The following MYT1L variants were observed in gnomAD, a reference collection of about 807,000 sequenced individuals.
MYT1L encodes myelin transcription factor 1-like protein.
In MYT1L, 12 loss-of-function variants were observed where a neutral mutation model predicts 126.7. The ratio of observed to expected loss-of-function variants is 0.09; its 90% CI spans 0.06 to 0.15. The LOEUF is 0.15. Ranked by LOEUF, MYT1L falls within the 10% of genes least tolerant of loss-of-function variation. MYT1L has a pLI of 1.00. For synonymous variants in MYT1L, 541 were observed against 604.2 expected (o/e 0.90, Z 1.53); for missense variants, 979 against 1,585.2 (o/e 0.62, Z 6.49).
intron 3 of MYT1L, among the ~76,000 whole-genome samples, chr2:2,155,342 G>A (rs990324041): frequency 1.3e-5 from 2 of 152,158 alleles, no homozygotes; most frequent in African/African-American, 4.8e-5. Flanking sequence ...CTGCCTTTCT[G>A]AACATTAAGA....
intron 14 of MYT1L, among the ~76,000 whole-genome samples, chr2:1,897,110 T>C (rs1483329852): frequency 6.6e-6 from 1 of 152,242 alleles, no homozygotes; most frequent in African/African-American, 2.4e-5. Flanking sequence ...TACTTTCACA[T>C]GCATCCTTTA....
At chr2:2,177,037 G>A (rs1415073182) in intron 2 of MYT1L, among the ~76,000 whole-genome samples, 1 of 152,214 alleles carries the variant, frequency 6.6e-6, no homozygotes, top group African/African-American at 2.4e-5. Flanking sequence ...GTTTCCCACT[G>A]TGGCTCAGAG....
intron 18 of MYT1L, among the ~76,000 whole-genome samples, chr2:1,877,464 T>C (rs1004553718): frequency 3.3e-5 from 5 of 152,188 alleles, no homozygotes; most frequent in African/African-American, 7.2e-5. Context: ...CAAAAAGTCA[T>C]TGAAAAACTT....
intron 2 of MYT1L, among the ~76,000 whole-genome samples, chr2:2,189,768 A>ATTCTCAGGACCGCACGGGGAGAAGCTCG (rs2092456087): frequency 6.6e-6 from 1 of 150,620 alleles, no homozygotes; most frequent in Non-Finnish European, 1.5e-5. Context: ...TGAGAAGCGC[A>ATTCTCAGGACCGCACGGGGAGAAGCTCG]TTCTCAGGAC....
intron 18 of MYT1L, among the ~76,000 whole-genome samples, chr2:1,870,859 T>C (rs1021066262): frequency 1.3e-5 from 2 of 152,248 alleles, no homozygotes; most frequent in Non-Finnish European, 2.9e-5. Context: ...TGCTAAAGTG[T>C]CCTACGTGTG....
In MYT1L at chr2:1,912,225, A is replaced by G. The variant is rs1395939661; in HGVS notation, c.1619-115T>C. On this transcript the variant is annotated intron_variant, in intron 11 of 24. Coordinates refer to ENST00000647738, the MANE Select transcript of MYT1L (RefSeq NM_001303052.2). This position sits in a 1 kb window ranked among gnomAD's most constrained non-coding sequence, Gnocchi z 4.3. ...GTCGCTCATGATAGACAGTCCTACA[A>G]ACGTTTGTGATGGGCATGGCCAGGA... 1.6e-6 allele frequency: 1 copy of G among 624,552 alleles called. No homozygotes were observed. The highest frequency in any genetic ancestry group is 2.6e-6 in the Non-Finnish European group (1 of 379,684). 38.7% of individuals were successfully genotyped at this position (624,552 alleles called of 1,614,324 possible).
chr2:2,303,412 C>A (rs1181953878), intron 1 of MYT1L: 2 of 152,356 alleles, frequency 1.3e-5, no homozygotes, highest in Non-Finnish European at 2.9e-5. Flanking sequence ...CAGGAGTCAG[C>A]CAGTTCCTAC....
At chr2:2,123,568 C>T (rs1017400266) in intron 3 of MYT1L, among the ~76,000 whole-genome samples, 5 of 152,198 alleles carry the variant, frequency 3.3e-5, no homozygotes, top group African/African-American at 1.2e-4. Context: ...TCTCCCTTTT[C>T]TCTCTTCCTC....
At chr2:2,018,220 A>G (rs560387036) in intron 4 of MYT1L, among the ~76,000 whole-genome samples, 1 of 152,324 alleles carries the variant, frequency 6.6e-6, no homozygotes, top group South Asian at 2.1e-4. Flanking sequence ...GGCAGACAGA[A>G]TAAGACCTTC....
Position 1,910,184 on chromosome 2 carries a change from G to A in MYT1L, c.1817+56C>T, listed in dbSNP as rs1029874523. The A allele has an allele frequency of 8.6e-6, 13 of 1,511,188 alleles. No homozygotes were observed. The South Asian group carries it at 9.1e-5, about 11-fold the overall frequency. 93.6% of individuals were successfully genotyped at this position (1,511,188 alleles called of 1,614,324 possible). ...CCTGAGCGGGTGTCCCCAGCGCTCC[G>A]AGGTGTGGGGCAGACTATGGATAGA... is the stretch of plus-strand genomic sequence containing the variant. On this transcript the variant is annotated intron_variant, in intron 13 of 24. Transcript: ENST00000647738. This position sits in a 1 kb window ranked among gnomAD's most constrained non-coding sequence, Gnocchi z 4.8.
chr2:1,979,741 G>A lies in MYT1L; in HGVS notation c.37C>T (p.Arg13Trp), dbSNP rs777265550. The stretch of plus-strand genomic sequence containing the variant: ...GACATACCTCGAACCCCTTTGGACC[G>A]CGTGCGATGCCGCTTCTCCTCGGTG... The part of the protein sequence containing the change: ...VDTEEKRHRT[R>W]SKGVRVPVEP... The change falls in exon 6 of 25, where the codon CGG becomes TGG. Residue 13 changes from arginine (R) to tryptophan (W), a missense_variant. By Grantham distance (101) the Arg-to-Trp change is moderately radical. This residue lies in a region of MYT1L where 50 missense variants were observed against 48.6 expected (regional missense o/e 1.03). Transcript: ENST00000647738. This position sits in a 1 kb window ranked among gnomAD's most constrained non-coding sequence, Gnocchi z 4.0. 7 of 1,613,974 alleles carry A rather than the reference G, an allele frequency of 4.3e-6. No individual in the cohort carries two copies. Among genetic ancestry groups the A allele is most frequent in the South Asian group, 2.2e-5 (2 of 91,068 alleles).
chr2:1,938,754 A>C (rs2056295625), intron 9 of MYT1L, among the ~76,000 whole-genome samples: 1 of 152,248 alleles, frequency 6.6e-6, no homozygotes, highest in African/African-American at 2.4e-5. Flanking sequence ...ATCAATGTGA[A>C]GATCAAATTC....
At chr2:2,218,629 T>C (rs920576489) in intron 2 of MYT1L, among the ~76,000 whole-genome samples, 3 of 149,182 alleles carry the variant, frequency 2.0e-5, no homozygotes, top group Non-Finnish European at 3.0e-5. Context: ...AGTTTACCAC[T>C]TGACTGTGGT....
At chr2:1,856,995 C>T (rs1438584495) in intron 18 of MYT1L, among the ~76,000 whole-genome samples, 2 of 152,214 alleles carry the variant, frequency 1.3e-5, no homozygotes, top group Non-Finnish European at 2.9e-5. Context: ...AGGACAACCT[C>T]CCACCATCAC....
chr2:1,831,587 C>T (rs2040193954), intron 21 of MYT1L, among the ~76,000 whole-genome samples: 1 of 152,198 alleles, frequency 6.6e-6, no homozygotes, highest in Non-Finnish European at 1.5e-5. Flanking sequence ...GATCTTTTCC[C>T]TAAACTCTCC....
At position 2,137,508 on chromosome 2, in the gene MYT1L, C is replaced by G. The variant is rs567932480; in HGVS notation, c.-304+35364G>C. Among the ~76,000 whole-genome samples the G allele has an allele frequency of 4.6e-3, 705 of 152,210 alleles. 3 individuals are homozygous for G. The highest frequency in any genetic ancestry group is 0.016 in the African/African-American group (675 of 41,528). On this transcript the variant is annotated intron_variant, in intron 3 of 24. Coordinates refer to ENST00000647738, the MANE Select transcript of MYT1L (RefSeq NM_001303052.2). The stretch of plus-strand genomic sequence containing the variant: ...AAAACAGAGATATAGATCAATGGAA[C>G]AGAACAGAGCCCTCAGAAATAATGC...
chr2:1,800,213 AGTCCAAGATGCT>A (rs1457926413), intron 23 of MYT1L: 9 of 152,264 alleles, frequency 5.9e-5, no homozygotes, highest in African/African-American at 1.7e-4. Context: ...TCTCCTATAC[AGTCCAAGATGCT>A]GCCTCCATGG....
At chr2:2,065,393 A>G (rs559353785) in intron 3 of MYT1L, among the ~76,000 whole-genome samples, 2 of 152,216 alleles carry the variant, frequency 1.3e-5, no homozygotes, top group African/African-American at 4.8e-5. Context: ...CCTTGACAGC[A>G]CATCTCCTCT....
At chr2:2,137,440 T>C (rs2083228714) in intron 3 of MYT1L, among the ~76,000 whole-genome samples, 1 of 152,124 alleles carries the variant, frequency 6.6e-6, no homozygotes, top group Non-Finnish European at 1.5e-5. Context: ...CTTCAAACTA[T>C]ACTACAAGGC....
Sources: allele counts gnomAD v4.1 joint callset (sites outside exome capture counted in the v4.1 genomes callset), GRCh38; gene constraint gnomAD v4.1.1; regional missense constraint gnomAD v4.1.1; non-coding constraint Gnocchi (gnomAD v3.1); transcripts MANE v1.5; gene names NCBI Gene and HGNC (gene_info 2026-07-23, HGNC 2026-07-21).